KMT2B: variants seen among roughly 807,000 people sequenced by gnomAD.
KMT2B encodes histone-lysine N-methyltransferase 2B.
KMT2B carries 22 observed loss-of-function variants against 255.3 expected under a neutral mutation model. The observed-to-expected ratio is 0.09, with a 90% CI of 0.06 to 0.12. The LOEUF (loss-of-function observed/expected upper bound fraction) is 0.12. Ranked by LOEUF, KMT2B falls within the 10% of genes least tolerant of loss-of-function variation. The pLI, the probability that KMT2B is intolerant of heterozygous loss-of-function variation, is 1.00. For missense variants in KMT2B, 3,149 were observed against 3,737.0 expected, an observed-to-expected ratio of 0.84 and a Z score of 4.10; for synonymous variants, 1,730 against 1,498.1, an observed-to-expected ratio of 1.15 and a Z score of -3.57.
chr19:35,727,853 A>G lies in KMT2B; in HGVS notation c.4393-28A>G. The G allele has an allele frequency of 6.2e-7, 1 of 1,610,994 alleles. No homozygotes were observed. The highest frequency in any genetic ancestry group is 8.5e-7 in the Non-Finnish European group (1 of 1,177,638). Reference sequence around the variant, plus strand: ...AGAGGGCTGGAATTGTGCAGAGGGGACTCAGTCTCTGACAAACCCCCTTAC... The same window carrying G: ...AGAGGGCTGGAATTGTGCAGAGGGGGCTCAGTCTCTGACAAACCCCCTTAC... On this transcript the variant is annotated intron_variant, in intron 17 of 36. Transcript: ENST00000420124. This position sits in a 1 kb window ranked among gnomAD's most constrained non-coding sequence, Gnocchi z 4.2.
Position 35,719,771 on chromosome 19 carries a change from A to G in KMT2B, c.437-13A>G, listed in dbSNP as rs987990512. ...TGGCTTGATCCATCTCCCCACAACT[A>G]TTCTCCTTTTAGGTCGAGCGCCCCG... On this transcript the variant is annotated splice_polypyrimidine_tract_variant and intron_variant, in intron 2 of 36. Coordinates refer to ENST00000420124, the MANE Select transcript of KMT2B (RefSeq NM_014727.3). 17 of 1,570,488 alleles carry G rather than the reference A, an allele frequency of 1.1e-5. No homozygotes were observed. Among genetic ancestry groups the G allele is most frequent in the Non-Finnish European group, 1.5e-5 (17 of 1,159,456 alleles).
intron 19 of KMT2B, 112 bp downstream of exon 19, chr19:35,728,283 G>A (rs936613665): frequency 3.2e-6 from 3 of 939,670 alleles, no homozygotes; most frequent in Non-Finnish European, 4.9e-6. Context: ...CTGGAGCAGA[G>A]CTGGAGAGGA....
rs535841020 is a variant in KMT2B, at chr19:35,729,330, T to A, written c.4917+34T>A. 252 of 1,565,830 alleles carry A rather than the reference T, an allele frequency of 1.6e-4. 4 individuals carry two copies. In the South Asian group the frequency reaches 2.8e-3, roughly 17 times the overall value. Reference sequence around the variant, plus strand: ...GCGGGCGCAGAGAGGTGGACAGCTCTCTGGCTCTTGGGGAGGCCTCCTCCG... The same window carrying A: ...GCGGGCGCAGAGAGGTGGACAGCTCACTGGCTCTTGGGGAGGCCTCCTCCG... On this transcript the variant is annotated intron_variant, in intron 22 of 36. Transcript: ENST00000420124.
In KMT2B at chr19:35,723,167, A is replaced by G; in HGVS notation, c.2895A>G (p.Arg965=). 1 of 1,613,470 alleles carries G rather than the reference A, an allele frequency of 6.2e-7. No individual in the cohort carries two copies. Among genetic ancestry groups the G allele is most frequent in the Non-Finnish European group, 8.5e-7 (1 of 1,179,874 alleles). ...SHHGKKMRMA[R]CGHCRGCLRV... ...ACGGCAAGAAGATGCGCATGGCTCGATGTGGACACTGTCGGGGCTGCCTAC... is the reference window on the plus strand; with the variant it reads ...ACGGCAAGAAGATGCGCATGGCTCGGTGTGGACACTGTCGGGGCTGCCTAC... The change falls in exon 6 of 37, where the codon CGA becomes CGG. Residue 965 remains arginine, a synonymous_variant. Coordinates refer to ENST00000420124, the MANE Select transcript of KMT2B (RefSeq NM_014727.3). The surrounding 1 kb of genome is among the most constrained non-coding windows in gnomAD (Gnocchi z 7.5).
In KMT2B at chr19:35,729,408, G is replaced by T. The variant is rs537578710; in HGVS notation, c.4917+112G>T. On this transcript the variant is annotated intron_variant, in intron 22 of 36. Transcript: ENST00000420124. ...CTACCTGGCATCCTTTCACTGCCAG[G>T]CTGAGGTCTCTTGGTTGCCCTGGGA... The T allele has an allele frequency of 7.8e-6, 11 of 1,405,912 alleles. No individual in the cohort carries two copies. The East Asian group carries it at 2.8e-4, about 35-fold the overall frequency. The allele number at this position is 1,405,912 out of a possible 1,614,324, so 87.1% of individuals were successfully genotyped here. A position where few individuals can be genotyped will look rare whatever the true frequency, so the allele number is the denominator to read the frequency against.
In KMT2B at chr19:35,738,104, C is replaced by T. The variant is rs187208889; in HGVS notation, c.7785C>T (p.Ile2595=). 11 of 1,613,848 alleles carry T rather than the reference C, an allele frequency of 6.8e-6. No homozygotes were observed. The highest frequency in any genetic ancestry group is 6.7e-5 in the East Asian group (3 of 44,874). ...GAGGCCTGTTCTGTAAGCGCAACAT[C>T]GACGCGGGGGAGATGGTCATCGAGT... ...HGRGLFCKRN[I]DAGEMVIEYS... The change falls in exon 36 of 37, where the codon ATC becomes ATT. Residue 2595 remains isoleucine, a synonymous_variant. Coordinates refer to ENST00000420124, the MANE Select transcript of KMT2B (RefSeq NM_014727.3). This position sits in a 1 kb window ranked among gnomAD's most constrained non-coding sequence, Gnocchi z 8.7.
In KMT2B at chr19:35,736,728, G is replaced by C; in HGVS notation, c.7198G>C (p.Asp2400His). 1.2e-6 allele frequency: 2 copies of C among 1,613,980 alleles called. No individual in the cohort carries two copies. Among genetic ancestry groups the C allele is most frequent in the Admixed American group, 1.7e-5 (1 of 60,020 alleles). Reference protein sequence around the residue: ...SSSEEEPPSPDDKENQAPKRT... With the variant: ...SSSEEEPPSPHDKENQAPKRT... Reference sequence around the variant, plus strand: ...CTCTGAGGAAGAGCCTCCATCCCCAGATGATAAAGAGAACCAGGCCCCAAA... The same window carrying C: ...CTCTGAGGAAGAGCCTCCATCCCCACATGATAAAGAGAACCAGGCCCCAAA... The change falls in exon 31 of 37, where the codon GAT (aspartate) becomes CAT (histidine). Residue 2400 changes from aspartate (D) to histidine (H), a missense_variant. Physicochemically the swap from Asp to His is moderately conservative, Grantham distance 81. Coordinates refer to ENST00000420124, the MANE Select transcript of KMT2B (RefSeq NM_014727.3).
Position 35,733,303 on chromosome 19 carries a change from GCCCCGCCCCCGCCAC to G in KMT2B, c.6759_6773del (p.Pro2255_Pro2259del). ...GCCCGTGGTCGGAGTGGTCCGCCCT[GCCCCGCCCCCGCCAC>G]CCCCTCCCCTGACGCTGGTGCTGAG... On this transcript the variant is annotated inframe_deletion, in exon 28 of 37. Coordinates refer to ENST00000420124, the MANE Select transcript of KMT2B (RefSeq NM_014727.3). The surrounding 1 kb of genome is among the most constrained non-coding windows in gnomAD (Gnocchi z 4.3). 1.5e-6 allele frequency: 2 copies of G among 1,340,070 alleles called. No individual in the cohort carries two copies. The highest frequency in any genetic ancestry group is 2.1e-6 in the Non-Finnish European group (2 of 961,236). 83.0% of individuals were successfully genotyped at this position (1,340,070 alleles called of 1,614,324 possible).
intron 19 of KMT2B, 45 bp downstream of exon 19, chr19:35,728,216 A>G (rs762541733): frequency 2.0e-6 from 3 of 1,532,238 alleles, no homozygotes; most frequent in Non-Finnish European, 2.7e-6. Flanking sequence ...GAGTGAGGGC[A>G]AGGCCAGGGC....
At chr19:35,722,532 G>T in intron 4 of KMT2B, 36 bp from the exon 5 acceptor site, 1 of 1,591,058 alleles carries the variant, frequency 6.3e-7, no homozygotes, top group Non-Finnish European at 8.5e-7. Context: ...CTGCGGGAGC[G>T]CAAGCTGCCC....
rs1213392077 is a variant in KMT2B at position 35,737,961 on chromosome 19, G to A, written c.7742+19G>A. 3 of 1,604,830 alleles carry A rather than the reference G, an allele frequency of 1.9e-6. No homozygotes were observed. Among genetic ancestry groups the A allele is most frequent in the Admixed American group, 1.7e-5 (1 of 58,198 alleles). On this transcript the variant is annotated intron_variant, in intron 35 of 36. Transcript: ENST00000420124. The surrounding 1 kb of genome is among the most constrained non-coding windows in gnomAD (Gnocchi z 5.3). The stretch of plus-strand genomic sequence containing the variant: ...TCTACAGGTGAGTGGGGTTGGGGGG[G>A]AGGATGCCCCTTGGGTGGACGGACA...
At position 35,725,517 on chromosome 19, in the gene KMT2B, A is replaced by G. The variant is rs775393985; in HGVS notation, c.3681A>G (p.Pro1227=). The change falls in exon 12 of 37, where the codon CCA becomes CCG. Residue 1227 remains proline, a synonymous_variant. Coordinates refer to ENST00000420124, the MANE Select transcript of KMT2B (RefSeq NM_014727.3). The surrounding 1 kb of genome is among the most constrained non-coding windows in gnomAD (Gnocchi z 4.1). ...FCQVCCDPFH[P]FCLEEAERPL... is the part of the protein sequence containing the mutation. ...AAGTCTGCTGTGACCCATTCCACCC[A>G]TTCTGCCTGGAGGAGGCCGAGCGGC... is the stretch of plus-strand genomic sequence containing the variant. The G allele has an allele frequency of 2.5e-5, 40 of 1,611,514 alleles. No individual in the cohort carries two copies. The Admixed American group carries it at 6.7e-4, about 27-fold the overall frequency.
At position 35,722,291 on chromosome 19, in the gene KMT2B, C is replaced by T. The variant is rs1278493541; in HGVS notation, c.2458-68C>T. 4 of 1,469,976 alleles carry T rather than the reference C, an allele frequency of 2.7e-6. No individual in the cohort carries two copies. The East Asian group carries it at 7.4e-5, about 27-fold the overall frequency. The allele number at this position is 1,469,976 out of a possible 1,614,324, so 91.1% of individuals were successfully genotyped here. ...GTGCTGGGATTACAGGCATCAGCCA[C>T]CACACCCAGCTCCCTGTCCCTATCT... On this transcript the variant is annotated intron_variant, in intron 3 of 36. Coordinates refer to ENST00000420124, the MANE Select transcript of KMT2B (RefSeq NM_014727.3).
rs757344563 is a variant in KMT2B, at chr19:35,727,276, C to T, written c.4117+7C>T. The T allele has an allele frequency of 2.6e-5, 42 of 1,608,186 alleles. No individual in the cohort carries two copies. Among genetic ancestry groups the T allele is most frequent in the East Asian group, 6.7e-5 (3 of 44,846 alleles). ...AAGTGCGAGGGGCTCTCAGGTGAGT[C>T]AGTGGAGCACCTGGGCTGCAGCCTC... is the stretch of plus-strand genomic sequence containing the variant. On this transcript the variant is annotated splice_region_variant and intron_variant, in intron 15 of 36. Coordinates refer to ENST00000420124, the MANE Select transcript of KMT2B (RefSeq NM_014727.3). This position sits in a 1 kb window ranked among gnomAD's most constrained non-coding sequence, Gnocchi z 4.2.
Position 35,728,133 on chromosome 19 carries a change from C to T in KMT2B, c.4533C>T (p.His1511=), listed in dbSNP as rs1194082089. 7.5e-6 allele frequency: 12 copies of T among 1,600,568 alleles called. No individual in the cohort carries two copies. Among genetic ancestry groups the T allele is most frequent in the Middle Eastern group, 1.7e-4 (1 of 6,052 alleles). ...CTGCGTTCGGCTGGTTCGACGCCCA[C>T]GACCCCAAGTACTGGCGACGGAGTA... ...LESAFGWFDA[H]DPKYWRRSTR... Residue 1511 remains histidine, a synonymous_variant, in exon 19 of 37, where the codon CAC becomes CAT. Coordinates refer to ENST00000420124, the MANE Select transcript of KMT2B (RefSeq NM_014727.3).
In KMT2B at chr19:35,727,568, G is replaced by T; in HGVS notation, c.4248G>T (p.Val1416=). The change falls in exon 16 of 37, where the codon GTG becomes GTT. Residue 1416 remains valine (V), a synonymous_variant. Coordinates refer to ENST00000420124, the MANE Select transcript of KMT2B (RefSeq NM_014727.3). The surrounding 1 kb of genome is among the most constrained non-coding windows in gnomAD (Gnocchi z 4.2). The part of the protein sequence containing the change: ...SGALQGGLRQ[V]LQGLLSSKVV... ...CCCTCCAGGGGGGCCTGCGCCAGGT[G>T]CTCCAGGGCCTGCTGAGCTCCAAGG... is the stretch of plus-strand genomic sequence containing the variant. 6.2e-7 allele frequency: 1 copy of T among 1,606,210 alleles called. No homozygotes were observed.
In KMT2B at chr19:35,730,786, T is replaced by C. The variant is rs771968405; in HGVS notation, c.5356T>C (p.Trp1786Arg). The C allele has an allele frequency of 3.7e-6, 6 of 1,613,738 alleles. No individual in the cohort carries two copies. Among genetic ancestry groups the C allele is most frequent in the Admixed American group, 3.3e-5 (2 of 60,020 alleles). ...YRCRILEYRP[W>R]GPREEPAHLE... ...GTGCCGAATTCTGGAGTATCGGCCA[T>C]GGGGGCCGAGGGAAGAGCCAGCTCA... is the stretch of plus-strand genomic sequence containing the variant. The change falls in exon 26 of 37, where the codon TGG (tryptophan) becomes CGG (arginine). Residue 1786 changes from tryptophan to arginine, a missense_variant. Physicochemically the swap from Trp to Arg is moderately radical, Grantham distance 101. Transcript: ENST00000420124.
chr19:35,727,738 G>A lies in KMT2B; in HGVS notation c.4343G>A (p.Gly1448Asp), dbSNP rs1455146159. Reference sequence around the variant, plus strand: ...AAGCAACTGCACCCAGGACCCTGCGGCCTGCAAGCTGTGAGTCAGCGCTTC... The same window carrying A: ...AAGCAACTGCACCCAGGACCCTGCGACCTGCAAGCTGTGAGTCAGCGCTTC... ...DGKQLHPGPC[G>D]LQAVSQRFED... Residue 1448 changes from glycine to aspartate, a missense_variant, in exon 17 of 37, where the codon GGC (glycine) becomes GAC (aspartate). Around this residue, in one of 18 missense-constraint regions of KMT2B, gnomAD observed 377 missense variants for 471.0 expected, o/e 0.80. Transcript: ENST00000420124. This position sits in a 1 kb window ranked among gnomAD's most constrained non-coding sequence, Gnocchi z 4.2. 5.0e-6 allele frequency: 8 copies of A among 1,613,868 alleles called. No homozygotes were observed. The highest frequency in any genetic ancestry group is 3.3e-5 in the Admixed American group (2 of 60,034).
chr19:35,738,870 A>C lies in KMT2B; in HGVS notation c.*313A>C. Reference sequence around the variant, plus strand: ...AACCCCCCCACAATAAAGTCTGTCAATGTTTGGAGAGGTGGTCTTCCCATT... The same window carrying C: ...AACCCCCCCACAATAAAGTCTGTCACTGTTTGGAGAGGTGGTCTTCCCATT... On this transcript the variant is annotated 3_prime_UTR_variant, in exon 37 of 37. Coordinates refer to ENST00000420124, the MANE Select transcript of KMT2B (RefSeq NM_014727.3). This position sits in a 1 kb window ranked among gnomAD's most constrained non-coding sequence, Gnocchi z 8.7. The C allele has an allele frequency of 4.3e-6, 2 of 469,134 alleles. No individual in the cohort carries two copies. Among genetic ancestry groups the C allele is most frequent in the East Asian group, 3.7e-5 (1 of 26,824 alleles). 29.1% of individuals were successfully genotyped at this position (469,134 alleles called of 1,614,324 possible).
Sources: allele counts gnomAD v4.1 joint callset, GRCh38; gene constraint gnomAD v4.1.1; regional missense constraint gnomAD v4.1.1; non-coding constraint Gnocchi (gnomAD v3.1); transcripts MANE v1.5; gene names NCBI Gene and HGNC (gene_info 2026-07-23, HGNC 2026-07-21).